Variants in MRTFB observed in about 807,000 individuals in gnomAD.
The protein encoded by MRTFB is myocardin related transcription factor B, also known as myocardin-related transcription factor B.
MRTFB carries 29 observed loss-of-function variants against 104.2 expected under a neutral mutation model. The ratio of observed to expected loss-of-function variants is 0.28; its 90% CI spans 0.21 to 0.38. MRTFB has a LOEUF of 0.38. Ranked by LOEUF, MRTFB falls within the 10% of genes least tolerant of loss-of-function variation. The probability of loss-of-function intolerance (pLI) is 1.00; values close to 1 mark genes in which losing one functional copy is unlikely to be tolerated. For synonymous variants in MRTFB, 535 were observed against 519.5 expected, an observed-to-expected ratio of 1.03 and a Z score of -0.41; for missense variants, 1,270 against 1,341.6, an observed-to-expected ratio of 0.95 and a Z score of 0.83.
At chr16:14,163,898 G>A (rs1246535218) in intron 3 of MRTFB, among the ~76,000 whole-genome samples, 2 of 151,566 alleles carry the variant, frequency 1.3e-5, no homozygotes, top group Non-Finnish European at 2.9e-5. Context: ...AAACATACTA[G>A]AGGGAATGGA....
intron 9 of MRTFB, among the ~76,000 whole-genome samples, chr16:14,239,135 A>G (rs898063575): frequency 3.3e-4 from 51 of 152,358 alleles, no homozygotes; most frequent in African/African-American, 1.2e-3. Flanking sequence ...ATCTTGTTGC[A>G]GAATCATTCT....
rs572244881 is a variant in MRTFB, at chr16:14,207,495, A to G, written c.155-2748A>G. ...CATCATTTGTTATACATTTGGTCTT[A>G]GTCCCCAGTTCTTGACAAAGAGCTT... On this transcript the variant is annotated intron_variant, in intron 3 of 16. Transcript: ENST00000571589. Among the ~76,000 whole-genome samples, 7 of 152,318 alleles carry G rather than the reference A, an allele frequency of 4.6e-5. No homozygotes were observed. In the East Asian group the frequency reaches 1.3e-3, roughly 29 times the overall value.
chr16:14,227,973 A>C (rs1344562066), intron 8 of MRTFB, among the ~76,000 whole-genome samples: 1 of 150,688 alleles, frequency 6.6e-6, no homozygotes, highest in African/African-American at 2.5e-5. Context: ...AAAAACAGGC[A>C]AAGGACTTGA....
At chr16:14,186,756 G>C in intron 3 of MRTFB, 1 of 1,484,020 alleles carries the variant, frequency 6.7e-7, no homozygotes, top group South Asian at 1.3e-5. Context: ...GGTAATGGCT[G>C]CCTTCAGCTG....
At chr16:14,053,394 C>A in the MRTFB span, among the ~76,000 whole-genome samples, 1 of 152,044 alleles carries the variant, frequency 6.6e-6, no homozygotes, top group African/African-American at 2.4e-5. Flanking sequence ...ATTGATGTAG[C>A]CGAGGCAACA....
chr16:14,240,368 G>C lies in MRTFB; in HGVS notation c.963G>C (p.Gln321His). Residue 321 changes from glutamine (Q) to histidine (H), a missense_variant, in exon 10 of 17, where the codon CAG (glutamine) becomes CAC (histidine). By Grantham distance (24) the Gln-to-His change is conservative. Around this residue, in one of 3 missense-constraint regions of MRTFB, gnomAD observed 1,144 missense variants for 1,131.5 expected, o/e 1.01. Coordinates refer to ENST00000571589, the MANE Select transcript of MRTFB (RefSeq NM_001308142.2). ...PDQKGEKNEP[Q>H]MDSNYARLLQ... is the part of the protein sequence containing the mutation. The stretch of plus-strand genomic sequence containing the variant: ...AGAAGGGTGAGAAGAATGAGCCGCA[G>C]ATGGACTCTAACTACGCCCGCCTGC... 3 of 1,614,186 alleles carry C rather than the reference G, an allele frequency of 1.9e-6. No individual in the cohort carries two copies. The highest frequency in any genetic ancestry group is 2.5e-6 in the Non-Finnish European group (3 of 1,180,032).
the MRTFB span, among the ~76,000 whole-genome samples, chr16:14,010,010 C>T: frequency 1.3e-5 from 2 of 152,098 alleles, no homozygotes; most frequent in Non-Finnish European, 2.9e-5. Context: ...CCTTTTTCAT[C>T]CATCTGGAGA....
chr16:14,219,391 C>T (rs2041583524), intron 8 of MRTFB, among the ~76,000 whole-genome samples: 1 of 152,146 alleles, frequency 6.6e-6, no homozygotes, highest in Non-Finnish European at 1.5e-5. Flanking sequence ...TAATGGGTGT[C>T]CATGTTTCCT....
At chr16:14,212,254 T>C in intron 4 of MRTFB, 100 bp from the exon 5 acceptor site, 1 of 1,113,268 alleles carries the variant, frequency 9.0e-7, no homozygotes, top group Non-Finnish European at 1.3e-6. Flanking sequence ...GAACTGTAGT[T>C]GTGATCTGTT....
chr16:14,200,340 G>A (rs1202833093), intron 3 of MRTFB: 5 of 1,607,450 alleles, frequency 3.1e-6, no homozygotes, highest in East Asian at 4.5e-5. Flanking sequence ...CGGAAGTAAG[G>A]CTGGCGTAGG....
At chr16:14,036,303 TA>T in the MRTFB span, among the ~76,000 whole-genome samples, 2 of 128,458 alleles carry the variant, frequency 1.6e-5, no homozygotes, top group Non-Finnish European at 3.3e-5. Flanking sequence ...TATTTATATA[TA>T]TATATATATA....
At chr16:14,169,275 G>T (rs2039346880) in intron 3 of MRTFB, among the ~76,000 whole-genome samples, 1 of 152,076 alleles carries the variant, frequency 6.6e-6, no homozygotes, top group Admixed American at 6.6e-5. Flanking sequence ...GTCCTTATTT[G>T]AGTAGGAACA....
the MRTFB span, among the ~76,000 whole-genome samples, chr16:14,060,536 C>T: frequency 1.3e-5 from 2 of 152,074 alleles, no homozygotes; most frequent in Non-Finnish European, 1.5e-5. Flanking sequence ...CTCCAATCTA[C>T]GTAGCCCTCA....
the MRTFB span, among the ~76,000 whole-genome samples, chr16:14,041,232 T>A: frequency 6.6e-6 from 1 of 152,220 alleles, no homozygotes; most frequent in South Asian, 2.1e-4. Context: ...TTGGCCTTTT[T>A]TAAGTGTTCA....
the MRTFB span, among the ~76,000 whole-genome samples, chr16:14,039,600 T>C: frequency 1.3e-5 from 2 of 151,996 alleles, no homozygotes; most frequent in African/African-American, 4.8e-5. Flanking sequence ...TATATATACA[T>C]ATATGTATAT....
At chr16:14,029,467 T>G in the MRTFB span, among the ~76,000 whole-genome samples, 3 of 135,676 alleles carry the variant, frequency 2.2e-5, no homozygotes, top group Non-Finnish European at 3.1e-5. Context: ...CACATATATA[T>G]AAACACACAC....
intron 3 of MRTFB, among the ~76,000 whole-genome samples, chr16:14,203,900 G>T (rs976499467): frequency 6.0e-5 from 9 of 151,156 alleles, no homozygotes; most frequent in Admixed American, 6.6e-5. Flanking sequence ...TGAAATTTTT[G>T]AATTAGGGTT....
intron 1 of MRTFB, among the ~76,000 whole-genome samples, chr16:14,072,425 G>A (rs569627669): frequency 6.6e-6 from 1 of 152,164 alleles, no homozygotes. Context: ...GCTTGTGCCA[G>A]CTTCTAATGA....
the MRTFB span, among the ~76,000 whole-genome samples, chr16:13,998,174 G>A: frequency 6.6e-6 from 1 of 152,184 alleles, no homozygotes; most frequent in Non-Finnish European, 1.5e-5. Context: ...TGAGTCGTAG[G>A]CAGGCCAGGT....
Sources: allele counts gnomAD v4.1 joint callset (sites outside exome capture counted in the v4.1 genomes callset), GRCh38; gene constraint gnomAD v4.1.1; regional missense constraint gnomAD v4.1.1; transcripts MANE v1.5; gene names NCBI Gene and HGNC (gene_info 2026-07-23, HGNC 2026-07-21).